Variants in ADAMTS13 observed in about 807,000 individuals in gnomAD.
The protein encoded by ADAMTS13 is ADAM metallopeptidase with thrombospondin type 1 motif 13.
A neutral mutation model predicts 155.1 loss-of-function variants in ADAMTS13; 110 were observed. The observed-to-expected ratio is 0.71, with a 90% confidence interval of 0.61 to 0.83. The LOEUF (loss-of-function observed/expected upper bound fraction) is 0.83. Ranked by LOEUF, ADAMTS13 falls within the 40% of genes least tolerant of loss-of-function variation. ADAMTS13 has a pLI of 0.00. For missense variants in ADAMTS13, 1,707 were observed against 1,891.7 expected, an observed-to-expected ratio of 0.90 and a Z score of 1.81; for synonymous variants, 758 against 756.4, an observed-to-expected ratio of 1.00 and a Z score of -0.03.
At chr9:133,435,822 G>A (rs587756455) in intron 11 of ADAMTS13, among the ~76,000 whole-genome samples, 4 of 152,172 alleles carry the variant, frequency 2.6e-5, no homozygotes, top group African/African-American at 9.6e-5. Context: ...GTGAGCCACC[G>A]CGCCCAGCAT....
intron 8 of ADAMTS13, chr9:133,430,316 A>G (rs1256796008): frequency 5.6e-6 from 4 of 716,054 alleles, no homozygotes; most frequent in Admixed American, 2.1e-5. Context: ...ACTGGGCCCC[A>G]CAAATTATGT....
chr9:133,458,555 CAAAAAAA>C (rs10699153), intron 28 of ADAMTS13, among the ~76,000 whole-genome samples: 1 of 56,228 alleles, frequency 1.8e-5, no homozygotes, highest in Admixed American at 3.0e-4. Context: ...GACTCTGTCT[CAAAAAAA>C]AAAAAAAAAA....
At chr9:133,437,947 C>G in intron 13 of ADAMTS13, 50 bp downstream of exon 13, 1 of 1,610,702 alleles carries the variant, frequency 6.2e-7, no homozygotes, top group African/African-American at 1.3e-5. Context: ...CCTGTCCTAT[C>G]GGAAGGCTCC....
Position 133,426,001 on chromosome 9 carries a change from A to C in ADAMTS13, c.478A>C (p.Thr160Pro). Residue 160 changes from threonine (T) to proline (P), a missense_variant, in exon 5 of 29, where the codon ACC (threonine) becomes CCC (proline). Physicochemically the swap from Thr to Pro is conservative, Grantham distance 38. This residue lies in a region of ADAMTS13 where 733 missense variants were observed against 749.6 expected (regional missense o/e 0.98). Coordinates refer to ENST00000355699, the MANE Select transcript of ADAMTS13 (RefSeq NM_139027.6). Reference protein sequence around the residue: ...SLLSVCGWSQTINPEDDTDPG... With the variant: ...SLLSVCGWSQPINPEDDTDPG... ...GCTGAGCGTCTGTGGGTGGAGCCAG[A>C]CCATCAACCCTGAGGACGACACGGA... 6.2e-7 allele frequency: 1 copy of C among 1,613,980 alleles called. No individual in the cohort carries two copies. Among genetic ancestry groups the C allele is most frequent in the Non-Finnish European group, 8.5e-7 (1 of 1,180,026 alleles).
chr9:133,427,197 C>T (rs587667311), intron 6 of ADAMTS13, among the ~76,000 whole-genome samples: 1 of 152,230 alleles, frequency 6.6e-6, no homozygotes, highest in African/African-American at 2.4e-5. Context: ...GAGGTGTGCA[C>T]CGTAATTTAT....
chr9:133,418,283 A>T (rs1441006770), upstream of ADAMTS13, among the ~76,000 whole-genome samples: 1 of 152,190 alleles, frequency 6.6e-6, no homozygotes, highest in Non-Finnish European at 1.5e-5. Flanking sequence ...AGGGCAGCTG[A>T]GCTGGGGGCA....
chr9:133,455,530 G>A (rs1388624527), intron 25 of ADAMTS13, 95 bp downstream of exon 25: 2 of 1,611,084 alleles, frequency 1.2e-6, no homozygotes, highest in East Asian at 2.2e-5. Context: ...CCCAGGCCCG[G>A]GGCCTGCTCT....
At chr9:133,414,517 A>G (rs1839439696) in exon 1 of ADAMTS13, 1 of 784,014 alleles carries the variant, frequency 1.3e-6, no homozygotes, top group East Asian at 2.6e-5. Flanking sequence ...CTAGGGGAAA[A>G]CAAGTAACAG....
At chr9:133,434,744 T>C (rs1199340228) in intron 11 of ADAMTS13, among the ~76,000 whole-genome samples, 3 of 152,184 alleles carry the variant, frequency 2.0e-5, no homozygotes, top group African/African-American at 7.2e-5. Flanking sequence ...TTTCCAGTAC[T>C]CTGGAGTACT....
chr9:133,438,390 A>T (rs1841410618), intron 14 of ADAMTS13, 24 bp downstream of exon 14: 1 of 1,612,572 alleles, frequency 6.2e-7, no homozygotes, highest in Admixed American at 1.7e-5. Flanking sequence ...CTCGGGGCAG[A>T]GGCTGGGCTT....
At chr9:133,455,502 G>A (rs1391857004) in intron 25 of ADAMTS13, 67 bp downstream of exon 25, 1 of 1,612,118 alleles carries the variant, frequency 6.2e-7, no homozygotes, top group African/African-American at 1.3e-5. Flanking sequence ...ACCCCTGCTG[G>A]TGCCTCCCTG....
chr9:133,456,179 C>T lies in ADAMTS13; in HGVS notation c.3511C>T (p.Leu1171Phe). The change falls in exon 26 of 29, where the codon CTC (leucine) becomes TTC (phenylalanine). Residue 1171 changes from leucine to phenylalanine, a missense_variant. By Grantham distance (22) the Leu-to-Phe change is conservative. Coordinates refer to ENST00000355699, the MANE Select transcript of ADAMTS13 (RefSeq NM_139027.6). This position sits in a 1 kb window ranked among gnomAD's most constrained non-coding sequence, Gnocchi z 4.4. ...GCGGCCCCTCGGGGAGGTGGTGACC[C>T]TCCGCGTCCTTGAGAGTTCTCTCAA... ...IGRPLGEVVT[L>F]RVLESSLNCS... 1.2e-6 allele frequency: 2 copies of T among 1,613,576 alleles called. No individual in the cohort carries two copies. The highest frequency in any genetic ancestry group is 1.7e-5 in the Admixed American group (1 of 60,030).
rs1220497324 is a variant in ADAMTS13 at position 133,441,805 on chromosome 9, C to T, written c.1969-594C>T. ...ATCCAGTTTCTTCCTGCCGACCCTA[C>T]GGGCCTCAGCTCTGGCTCCAGAAGC... On this transcript the variant is annotated intron_variant, in intron 16 of 28. Coordinates refer to ENST00000355699, the MANE Select transcript of ADAMTS13 (RefSeq NM_139027.6). The surrounding 1 kb of genome is among the most constrained non-coding windows in gnomAD (Gnocchi z 5.0). Among the ~76,000 whole-genome samples the T allele has an allele frequency of 1.3e-5, 2 of 152,224 alleles. No individual in the cohort carries two copies. The highest frequency in any genetic ancestry group is 1.9e-4 in the East Asian group (1 of 5,196).
chr9:133,449,692 T>C (rs1842307601), intron 22 of ADAMTS13, 91 bp from the exon 23 acceptor site: 13 of 1,479,980 alleles, frequency 8.8e-6, no homozygotes, highest in Non-Finnish European at 1.1e-5. Flanking sequence ...TCCTGTCTCT[T>C]CCTAGTCTGG....
rs1173606818 is a variant in ADAMTS13, at chr9:133,429,541, T to G, written c.825-398T>G. On this transcript the variant is annotated intron_variant, in intron 7 of 28. Coordinates refer to ENST00000355699, the MANE Select transcript of ADAMTS13 (RefSeq NM_139027.6). ...ACCCCCTCACTTCACCCCCTTACCC[T>G]TCGTCTGCCTCCACCCGCCCCTACC... is the stretch of plus-strand genomic sequence containing the variant. Among the ~76,000 whole-genome samples, 14 of 53,576 alleles carry G rather than the reference T, an allele frequency of 2.6e-4. No individual in the cohort carries two copies. The Admixed American group carries it at 3.5e-3, about 14-fold the overall frequency. The allele number at this position is 53,576 out of a possible 152,430, so 35.1% of individuals were successfully genotyped here.
chr9:133,433,433 T>C lies in ADAMTS13; in HGVS notation c.1148T>C (p.Val383Ala), dbSNP rs1840927990. The change falls in exon 10 of 29, where the codon GTG becomes GCG. Residue 383 changes from valine to alanine, a missense_variant. Physicochemically the swap from Val to Ala is moderately conservative, Grantham distance 64 (BLOSUM62 0). Transcript: ENST00000355699. Reference sequence around the variant, plus strand: ...GTGGAGCTGACCCCCATAGCAGCAGTGCATGGGCGCTGGTCTAGCTGGGGT... The same window carrying C: ...GTGGAGCTGACCCCCATAGCAGCAGCGCATGGGCGCTGGTCTAGCTGGGGT... ...SLVELTPIAA[V>A]HGRWSSWGPR... The C allele has an allele frequency of 1.2e-6, 2 of 1,613,244 alleles. No homozygotes were observed. Among genetic ancestry groups the C allele is most frequent in the Admixed American group, 3.3e-5 (2 of 59,986 alleles).
intron 1 of ADAMTS13, chr9:133,414,849 C>A (rs1839473446): frequency 4.3e-6 from 7 of 1,614,136 alleles, no homozygotes; most frequent in Non-Finnish European, 5.9e-6. Flanking sequence ...GGAACAGAGC[C>A]CCTGCTGGCC....
In ADAMTS13 at chr9:133,429,085, CCTCCGTCCAACCCCGCGCCCACAG is replaced by C. The variant is rs201459672; in HGVS notation, c.824+323_824+346del. 3.0e-3 allele frequency among the ~76,000 whole-genome samples: 448 copies of C among 148,350 alleles called. 3 individuals carry two copies. Among genetic ancestry groups the C allele is most frequent in the African/African-American group, 0.011 (424 of 38,468 alleles). ...TCCTACCTCTCCATCCTGACCCACTCCTCCGTCCAACCCCGCGCCCACAGCTCCGTCCCATCCCGCTGCGCCCAC... is the reference window on the plus strand; with the variant it reads ...TCCTACCTCTCCATCCTGACCCACTCCTCCGTCCCATCCCGCTGCGCCCAC... On this transcript the variant is annotated intron_variant, in intron 7 of 28. Transcript: ENST00000355699.
rs781862563 is a variant in ADAMTS13 at position 133,428,779 on chromosome 9, C to T, written c.824+8C>T. 53 of 1,319,192 alleles carry T rather than the reference C, an allele frequency of 4.0e-5. No homozygotes were observed. In the South Asian group the frequency reaches 9.6e-4, roughly 24 times the overall value. 81.7% of individuals were successfully genotyped at this position (1,319,192 alleles called of 1,614,324 possible). A position where few individuals can be genotyped will look rare whatever the true frequency, so the allele number is the denominator to read the frequency against. ...GCTGCTGAGCCTGCTCAGGTAGCGGCCGCCCCGTGGGAGGGGCGCGCGAGC... is the reference window on the plus strand; with the variant it reads ...GCTGCTGAGCCTGCTCAGGTAGCGGTCGCCCCGTGGGAGGGGCGCGCGAGC... On this transcript the variant is annotated splice_region_variant and intron_variant, in intron 7 of 28. Coordinates refer to ENST00000355699, the MANE Select transcript of ADAMTS13 (RefSeq NM_139027.6).
Sources: allele counts gnomAD v4.1 joint callset (sites outside exome capture counted in the v4.1 genomes callset), GRCh38; gene constraint gnomAD v4.1.1; regional missense constraint gnomAD v4.1.1; non-coding constraint Gnocchi (gnomAD v3.1); transcripts MANE v1.5; gene names NCBI Gene and HGNC (gene_info 2026-07-23, HGNC 2026-07-21).